CDH12: variants seen among roughly 807,000 people sequenced by gnomAD.
CDH12 encodes cadherin 12, also known as cadherin-12.
Under a neutral mutation model 74.1 loss-of-function variants are expected in CDH12, and 41 were observed. The observed-to-expected ratio is 0.55, with a 90% CI of 0.43 to 0.72. CDH12 has a LOEUF of 0.72. Among genes scored for constraint, CDH12 ranks in the 30% least tolerant of loss-of-function variants. CDH12 has a pLI of 0.00. For synonymous variants in CDH12, 399 were observed against 355.0 expected (o/e 1.12, Z -1.39); for missense variants, 945 against 977.2 (o/e 0.97, Z 0.44).
intron 5 of CDH12, among the ~76,000 whole-genome samples, chr5:22,005,393 G>C (rs1313981401): frequency 2.0e-5 from 3 of 152,086 alleles, no homozygotes; most frequent in Non-Finnish European, 2.9e-5. Context: ...TGGGCACTGA[G>C]GTAGATTTCA....
In CDH12 at chr5:22,645,955, A is replaced by C. The variant is rs146032071; in HGVS notation, c.-522-140591T>G. 8.0e-3 allele frequency among the ~76,000 whole-genome samples: 1,222 copies of C among 152,032 alleles called. 12 individuals carry two copies. The highest frequency in any genetic ancestry group is 0.026 in the African/African-American group (1,063 of 41,528). On this transcript the variant is annotated intron_variant, in intron 1 of 14. Transcript: ENST00000382254. Reference sequence around the variant, plus strand: ...TATAAACATAATTTTATCTGTGGGAAACAAAAAGGATTTTTTTGTGCTCAC... The same window carrying C: ...TATAAACATAATTTTATCTGTGGGACACAAAAAGGATTTTTTTGTGCTCAC...
chr5:22,122,216 A>G (rs2150276444), intron 4 of CDH12, among the ~76,000 whole-genome samples: 1 of 152,228 alleles, frequency 6.6e-6, no homozygotes, highest in South Asian at 2.1e-4. Context: ...CGGCCTGGCC[A>G]ACATGGTGAA....
chr5:22,195,269 T>A (rs1750555847), intron 4 of CDH12, among the ~76,000 whole-genome samples: 1 of 152,166 alleles, frequency 6.6e-6, no homozygotes, highest in Admixed American at 6.5e-5. Flanking sequence ...GTGCTTGCTG[T>A]AAGCCAGGTG....
intron 1 of CDH12, among the ~76,000 whole-genome samples, chr5:22,786,690 C>T (rs993149900): frequency 1.3e-5 from 2 of 151,742 alleles, no homozygotes; most frequent in African/African-American, 4.8e-5. Context: ...AAGTCTATGC[C>T]TACATTCTTT....
intron 1 of CDH12, among the ~76,000 whole-genome samples, chr5:22,667,215 G>A (rs1740669960): frequency 6.6e-6 from 1 of 152,136 alleles, no homozygotes; most frequent in Admixed American, 6.6e-5. Flanking sequence ...GTCTTTGTGT[G>A]TTGAGAGCTG....
intron 1 of CDH12, among the ~76,000 whole-genome samples, chr5:22,584,001 A>C (rs944860668): frequency 6.6e-6 from 1 of 152,026 alleles, no homozygotes; most frequent in Non-Finnish European, 1.5e-5. Context: ...TTCTGCACTA[A>C]TGTATCCATC....
At chr5:22,009,238 G>A (rs985758893) in intron 5 of CDH12, among the ~76,000 whole-genome samples, 5 of 152,168 alleles carry the variant, frequency 3.3e-5, no homozygotes, top group Admixed American at 1.3e-4. Context: ...AAGCGAAACA[G>A]AATTAATAAC....
intron 3 of CDH12, among the ~76,000 whole-genome samples, chr5:22,351,610 T>G (rs957242375): frequency 2.0e-5 from 3 of 152,214 alleles, no homozygotes; most frequent in African/African-American, 7.2e-5. Flanking sequence ...TCTTCAAGTT[T>G]GCATATTCGT....
intron 4 of CDH12, among the ~76,000 whole-genome samples, chr5:22,205,015 G>A (rs7714863): frequency 0.084 from 12,808 of 152,178 alleles, 995 homozygotes; most frequent in African/African-American, 0.21. Flanking sequence ...TGTATCCCTA[G>A]CATCTAGCAC....
chr5:22,579,192 C>G (rs186376673), intron 1 of CDH12, among the ~76,000 whole-genome samples: 1 of 152,218 alleles, frequency 6.6e-6, no homozygotes, highest in Admixed American at 6.5e-5. Flanking sequence ...ATTTAAAAGA[C>G]GGAGTTTATG....
Position 22,572,606 on chromosome 5 carries a change from G to A in CDH12, c.-522-67242C>T, listed in dbSNP as rs112986519. On this transcript the variant is annotated intron_variant, in intron 1 of 14. Transcript: ENST00000382254. The stretch of plus-strand genomic sequence containing the variant: ...CTAAAAAGCAAAGCTTGGTATATTG[G>A]ATTTATAGAAGTCTCAGGCTAACAT... 6.6e-3 allele frequency among the ~76,000 whole-genome samples: 997 copies of A among 151,780 alleles called. 10 individuals carry two copies. The highest frequency in any genetic ancestry group is 0.022 in the African/African-American group (916 of 41,382).
At chr5:22,667,471 C>T (rs1028790586) in intron 1 of CDH12, among the ~76,000 whole-genome samples, 1 of 152,180 alleles carries the variant, frequency 6.6e-6, no homozygotes, top group African/African-American at 2.4e-5. Context: ...ATCAAATTTA[C>T]ACCATAAATA....
intron 1 of CDH12, among the ~76,000 whole-genome samples, chr5:22,750,985 G>GA (rs1283830882): frequency 6.6e-6 from 1 of 151,058 alleles, no homozygotes; most frequent in Non-Finnish European, 1.5e-5. Context: ...TACAACCCTG[G>GA]AATAAGAAGT....
rs762944279 is a variant in CDH12, at chr5:22,643,733, C to CTTTTTTTTT, written c.-522-138378_-522-138370dup. On this transcript the variant is annotated intron_variant, in intron 1 of 14. Transcript: ENST00000382254. Reference sequence around the variant, plus strand: ...ATTGCGCTTTTGGATTTTAAGGTATCTTTTTTTTTTTTTTTTTTTTTTTTT... The same window carrying CTTTTTTTTT: ...ATTGCGCTTTTGGATTTTAAGGTATCTTTTTTTTTTTTTTTTTTTTTTTTTTTTTTTTTT... 8.8e-4 allele frequency among the ~76,000 whole-genome samples: 45 copies of CTTTTTTTTT among 51,208 alleles called. 5 individuals are homozygous for CTTTTTTTTT. The highest frequency in any genetic ancestry group is 2.2e-3 in the African/African-American group (28 of 12,596). 33.6% of individuals were successfully genotyped at this position (51,208 alleles called of 152,430 possible).
chr5:21,836,389 G>A lies in CDH12; in HGVS notation c.814+5772C>T, dbSNP rs1042428741. Among the ~76,000 whole-genome samples the A allele has an allele frequency of 4.9e-4, 74 of 149,686 alleles. 1 individual carries two copies. Among genetic ancestry groups the A allele is most frequent in the African/African-American group, 1.8e-3 (72 of 40,674 alleles). On this transcript the variant is annotated intron_variant, in intron 8 of 14. Transcript: ENST00000382254. ...AAATTTTCTTAGAACGATTATTGAC[G>A]TACTATTTTCTATGTTCAAATCTGT...
chr5:22,837,190 A>G (rs920843520), intron 1 of CDH12, among the ~76,000 whole-genome samples: 1 of 152,074 alleles, frequency 6.6e-6, no homozygotes, highest in Non-Finnish European at 1.5e-5. Context: ...AGGCTGAGGG[A>G]GGAGGATCGC....
intron 2 of CDH12, among the ~76,000 whole-genome samples, chr5:22,494,019 G>A (rs550668768): frequency 6.6e-6 from 1 of 152,310 alleles, no homozygotes; most frequent in Admixed American, 6.5e-5. Context: ...TGTCTGGGCA[G>A]AGTGTGATCA....
chr5:22,417,760 T>C (rs1743461093), intron 2 of CDH12, among the ~76,000 whole-genome samples: 1 of 152,156 alleles, frequency 6.6e-6, no homozygotes, highest in Middle Eastern at 3.2e-3. Context: ...CTCTGATAAA[T>C]ATATAGAATA....
At chr5:22,390,104 T>C (rs1268577945) in intron 3 of CDH12, among the ~76,000 whole-genome samples, 3 of 151,916 alleles carry the variant, frequency 2.0e-5, no homozygotes, top group Admixed American at 6.6e-5. Context: ...ACAAACATCA[T>C]CTAGGTATTT....
Sources: allele counts gnomAD v4.1 joint callset (sites outside exome capture counted in the v4.1 genomes callset), GRCh38; gene constraint gnomAD v4.1.1; transcripts MANE v1.5; gene names NCBI Gene and HGNC (gene_info 2026-07-23, HGNC 2026-07-21).